G3BP2: variants seen among roughly 807,000 people sequenced by gnomAD.
G3BP2 encodes the protein G3BP stress granule assembly factor 2.
G3BP2 carries 11 observed loss-of-function variants against 56.7 expected under a neutral mutation model. The ratio of observed to expected loss-of-function variants is 0.19; its 90% CI spans 0.12 to 0.32. G3BP2 has a LOEUF of 0.32. Ranked by LOEUF, G3BP2 falls within the 10% of genes least tolerant of loss-of-function variation. The pLI is 1.00. For missense variants in G3BP2, 340 were observed against 610.9 expected, an observed-to-expected ratio of 0.56 and a Z score of 4.67; for synonymous variants, 165 against 191.6, an observed-to-expected ratio of 0.86 and a Z score of 1.15.
chr4:75,654,230 C>A, intron 7 of G3BP2, 149 bp from the exon 8 acceptor site: 3 of 510,450 alleles, frequency 5.9e-6, no homozygotes. Flanking sequence ...CACACACATG[C>A]CAGTCTATGT....
chr4:75,718,842 G>A (rs188226079), intron 3 of G3BP2, among the ~76,000 whole-genome samples: 99 of 152,196 alleles, frequency 6.5e-4, no homozygotes, highest in African/African-American at 2.1e-3. Flanking sequence ...TAGGACTATA[G>A]GTCCTGGCAG....
chr4:75,684,322 T>G (rs1718475394), intron 3 of G3BP2, among the ~76,000 whole-genome samples: 1 of 152,044 alleles, frequency 6.6e-6, no homozygotes, highest in African/African-American at 2.4e-5. Context: ...GAAGAATCAC[T>G]TGAACCCAGG....
rs1205190450 is a variant in G3BP2, at chr4:75,662,040, A to G, written c.-15T>C. 1.3e-5 allele frequency: 21 copies of G among 1,571,098 alleles called. No individual in the cohort carries two copies. Among genetic ancestry groups the G allele is most frequent in the African/African-American group, 5.4e-5 (4 of 74,006 alleles). On this transcript the variant is annotated 5_prime_UTR_variant, in exon 2 of 12. Transcript: ENST00000359707. ...TCCATAACCATTTCTTTGCTGCACA[A>G]TGTCAAATGCTGAGGGAGCAAACAC...
chr4:75,715,796 C>G (rs991677195), intron 3 of G3BP2, among the ~76,000 whole-genome samples: 1 of 152,174 alleles, frequency 6.6e-6, no homozygotes, highest in Non-Finnish European at 1.5e-5. Context: ...GTGTTAAATA[C>G]TTCCTTTCAC....
chr4:75,667,331 T>A (rs186509927), intron 1 of G3BP2, among the ~76,000 whole-genome samples: 14 of 151,364 alleles, frequency 9.2e-5, no homozygotes, highest in African/African-American at 3.1e-4. Context: ...AGGATACTTA[T>A]ACACAAAAAG....
upstream of G3BP2, chr4:75,673,651 A>G (rs1733706759): frequency 8.1e-7 from 1 of 1,228,718 alleles, no homozygotes; most frequent in Non-Finnish European, 1.0e-6. Flanking sequence ...TGACGTCACA[A>G]GCAGGCTGCC....
intron 6 of G3BP2, 92 bp downstream of exon 6, chr4:75,655,676 C>T: frequency 1.4e-6 from 1 of 716,978 alleles, no homozygotes; most frequent in South Asian, 1.6e-5. Flanking sequence ...GTGGTTTTAT[C>T]AAGAATTTAC....
chr4:75,702,547 T>G (rs370383997), intron 3 of G3BP2, among the ~76,000 whole-genome samples: 7 of 152,334 alleles, frequency 4.6e-5, no homozygotes, highest in African/African-American at 1.7e-4. Context: ...TGCTAGTCTA[T>G]CTTTTGTCAT....
chr4:75,648,582 A>T, intron 9 of G3BP2, 57 bp downstream of exon 9: 1 of 885,204 alleles, frequency 1.1e-6, no homozygotes, highest in Admixed American at 2.0e-5. Flanking sequence ...GTTTAAGTTC[A>T]GTCTTTTACA....
chr4:75,656,360 A>T (rs965305974), intron 5 of G3BP2, among the ~76,000 whole-genome samples: 1 of 152,052 alleles, frequency 6.6e-6, no homozygotes, highest in African/African-American at 2.4e-5. Flanking sequence ...AAAACTGGAG[A>T]GCAAGGATGA....
intron 1 of G3BP2, among the ~76,000 whole-genome samples, chr4:75,667,451 T>G (rs943229826): frequency 6.6e-6 from 1 of 152,046 alleles, no homozygotes; most frequent in Admixed American, 6.6e-5. Flanking sequence ...AAATACAATA[T>G]ATCACACTCC....
intron 3 of G3BP2, among the ~76,000 whole-genome samples, chr4:75,701,875 A>G (rs187071055): frequency 3.3e-5 from 5 of 152,346 alleles, no homozygotes; most frequent in African/African-American, 1.2e-4. Context: ...GGTCCAGAAT[A>G]TGCCACTATG....
chr4:75,670,425 G>A (rs567251818), intron 1 of G3BP2: 1 of 152,142 alleles, frequency 6.6e-6, no homozygotes, highest in African/African-American at 2.4e-5. Context: ...TCACAAAGAA[G>A]ATCTAAGAAT....
chr4:75,714,230 C>T (rs1001593296), intron 3 of G3BP2, among the ~76,000 whole-genome samples: 2 of 152,180 alleles, frequency 1.3e-5, no homozygotes, highest in African/African-American at 4.8e-5. Context: ...TGAGAAAATA[C>T]TTTTGTCTTT....
intron 3 of G3BP2, among the ~76,000 whole-genome samples, chr4:75,685,705 C>T (rs1718570578): frequency 6.6e-6 from 1 of 152,092 alleles, no homozygotes; most frequent in Non-Finnish European, 1.5e-5. Context: ...ACACAAAGCA[C>T]CACATAAATA....
chr4:75,690,533 G>C (rs1180470755), intron 3 of G3BP2, among the ~76,000 whole-genome samples: 2 of 152,140 alleles, frequency 1.3e-5, no homozygotes, highest in African/African-American at 2.4e-5. Context: ...TGAGTGGGTG[G>C]AGGAATAGCA....
chr4:75,659,923 A>C (rs2148993304), intron 2 of G3BP2, among the ~76,000 whole-genome samples: 1 of 152,346 alleles, frequency 6.6e-6, no homozygotes, highest in African/African-American at 2.4e-5. Flanking sequence ...TATACACATG[A>C]AAAGCCTCAG....
intron 1 of G3BP2, chr4:75,672,558 G>A (rs1015010832): frequency 6.6e-6 from 1 of 152,334 alleles, no homozygotes; most frequent in African/African-American, 2.4e-5. Context: ...AGGGAGAGGG[G>A]GGTTGGTCAA....
chr4:75,651,764 GAAGT>G (rs1410427283), intron 8 of G3BP2, among the ~76,000 whole-genome samples: 2 of 152,130 alleles, frequency 1.3e-5, no homozygotes, highest in African/African-American at 4.8e-5. Context: ...AACAGAATAT[GAAGT>G]AAGTACAGAA....
Sources: gnomAD v4.1 joint callset for allele counts (sites outside exome capture counted in the v4.1 genomes callset) on GRCh38, gnomAD v4.1.1 for gene constraint, MANE v1.5 for transcripts, NCBI Gene and HGNC (gene_info 2026-07-23, HGNC 2026-07-21) for gene names.